The following TRPC4 variants were observed in gnomAD, a reference collection of about 807,000 sequenced individuals.
TRPC4 encodes the protein short transient receptor potential channel 4.
In TRPC4, 49 loss-of-function variants were observed where a neutral mutation model predicts 99.4. That is an observed-to-expected ratio of 0.49 (90% confidence interval 0.39 to 0.63). The LOEUF (loss-of-function observed/expected upper bound fraction) is 0.63. TRPC4 is among the 20% of genes least tolerant of loss of function. The pLI is 0.00. For missense variants in TRPC4, 898 were observed against 1,152.9 expected (o/e 0.78, Z 3.20); for synonymous variants, 454 against 425.9 (o/e 1.07, Z -0.81).
intron 3 of TRPC4, among the ~76,000 whole-genome samples, chr13:37,701,577 G>A (rs1954101874): frequency 6.6e-6 from 1 of 151,976 alleles, no homozygotes. Context: ...GGTCTCTGTG[G>A]CCCTTCATGC....
intron 3 of TRPC4, among the ~76,000 whole-genome samples, chr13:37,700,636 A>T (rs990626130): frequency 6.6e-6 from 1 of 152,194 alleles, no homozygotes; most frequent in Non-Finnish European, 1.5e-5. Flanking sequence ...TAGTTTTAGA[A>T]AAAATTAAAT....
chr13:37,758,687 G>A (rs1292236212), intron 2 of TRPC4, among the ~76,000 whole-genome samples: 2 of 151,628 alleles, frequency 1.3e-5, no homozygotes, highest in Admixed American at 1.3e-4. Context: ...ACATGTGTAT[G>A]CAGTACAAAA....
intron 1 of TRPC4, among the ~76,000 whole-genome samples, chr13:37,855,532 G>T (rs574895308): frequency 4.0e-5 from 6 of 151,514 alleles, no homozygotes; most frequent in Non-Finnish European, 8.9e-5. Context: ...GGACAAATAG[G>T]CTTAATAGAT....
chr13:37,854,730 C>T (rs896452295), intron 1 of TRPC4: 2 of 151,912 alleles, frequency 1.3e-5, no homozygotes, highest in East Asian at 3.9e-4. Flanking sequence ...ATGGTAACTT[C>T]GAATTGAAAA....
intron 1 of TRPC4, among the ~76,000 whole-genome samples, chr13:37,825,109 A>G (rs1429580614): frequency 2.0e-5 from 3 of 151,752 alleles, no homozygotes; most frequent in South Asian, 2.1e-4. Context: ...CTGTGGGATC[A>G]GTGGTGATAT....
intron 4 of TRPC4, among the ~76,000 whole-genome samples, chr13:37,685,586 T>C (rs947003299): frequency 6.6e-6 from 1 of 152,142 alleles, no homozygotes; most frequent in Non-Finnish European, 1.5e-5. Context: ...TCTGTGCTAA[T>C]GAAGACTAAT....
intron 4 of TRPC4, among the ~76,000 whole-genome samples, chr13:37,688,362 A>ATTT (rs1953563349): frequency 6.6e-6 from 1 of 152,226 alleles, no homozygotes; most frequent in South Asian, 2.1e-4. Context: ...CATTGTACTG[A>ATTT]AACACAAGAC....
chr13:37,841,288 A>G (rs1194319279), intron 1 of TRPC4, among the ~76,000 whole-genome samples: 1 of 152,122 alleles, frequency 6.6e-6, no homozygotes, highest in African/African-American at 2.4e-5. Flanking sequence ...ACACCTCACT[A>G]TAAGCAATTA....
chr13:37,689,012 T>C (rs948125769), intron 4 of TRPC4, among the ~76,000 whole-genome samples: 5 of 152,172 alleles, frequency 3.3e-5, no homozygotes, highest in Admixed American at 2.6e-4. Context: ...AATCAGACTG[T>C]GCATTTTTAT....
At chr13:37,754,143 A>C (rs1172386003) in intron 2 of TRPC4, among the ~76,000 whole-genome samples, 1 of 152,026 alleles carries the variant, frequency 6.6e-6, no homozygotes, top group African/African-American at 2.4e-5. Flanking sequence ...CATTTAGAAA[A>C]CCCAGAAAAT....
chr13:37,714,382 C>G (rs1321691017), intron 3 of TRPC4, among the ~76,000 whole-genome samples: 2 of 152,168 alleles, frequency 1.3e-5, no homozygotes, highest in African/African-American at 4.8e-5. Context: ...CCACCTTGGC[C>G]TCCCAAAGCG....
At chr13:37,726,548 T>C (rs185341920) in intron 3 of TRPC4, among the ~76,000 whole-genome samples, 7 of 151,804 alleles carry the variant, frequency 4.6e-5, no homozygotes, top group Admixed American at 4.6e-4. Context: ...TGAAAGAAGA[T>C]AGTAATGCAG....
intron 1 of TRPC4, among the ~76,000 whole-genome samples, chr13:37,788,258 C>G (rs1400884840): frequency 6.6e-6 from 1 of 152,042 alleles, no homozygotes; most frequent in Non-Finnish European, 1.5e-5. Context: ...TTTCTGCAAA[C>G]CTTCTTCCCT....
chr13:37,655,396 A>G, intron 6 of TRPC4, 113 bp from the exon 7 acceptor site: 1 of 377,756 alleles, frequency 2.6e-6, no homozygotes, highest in Non-Finnish European at 4.2e-6. Flanking sequence ...ATTAACTTAA[A>G]CATTAATATC....
chr13:37,854,097 T>A (rs368553343), intron 1 of TRPC4, among the ~76,000 whole-genome samples: 7 of 152,074 alleles, frequency 4.6e-5, no homozygotes, highest in South Asian at 4.1e-4. Flanking sequence ...CCTAGCAGAT[T>A]TAAGCCAAAG....
intron 2 of TRPC4, among the ~76,000 whole-genome samples, chr13:37,760,055 G>T (rs1030250095): frequency 6.6e-6 from 1 of 151,926 alleles, no homozygotes; most frequent in Non-Finnish European, 1.5e-5. Context: ...GTTTCATTTT[G>T]TCATGCTAGA....
At chr13:37,866,702 C>A (rs540156628) in intron 1 of TRPC4, among the ~76,000 whole-genome samples, 1 of 151,394 alleles carries the variant, frequency 6.6e-6, no homozygotes, top group African/African-American at 2.4e-5. Flanking sequence ...TAAAATATTG[C>A]GGGGTCAATG....
chr13:37,664,299 C>A (rs4514541), intron 5 of TRPC4, among the ~76,000 whole-genome samples: 1 of 151,974 alleles, frequency 6.6e-6, no homozygotes, highest in East Asian at 1.9e-4. Context: ...CAAGGCCTGG[C>A]GCGGTGGCTG....
chr13:37,719,583 G>A (rs537759245), intron 3 of TRPC4, among the ~76,000 whole-genome samples: 4 of 152,196 alleles, frequency 2.6e-5, no homozygotes, highest in African/African-American at 9.6e-5. Context: ...ATACCAATGT[G>A]TAAAGCAAAA....
Sources: allele counts gnomAD v4.1 joint callset (sites outside exome capture counted in the v4.1 genomes callset), GRCh38; gene constraint gnomAD v4.1.1; transcripts MANE v1.5; gene names NCBI Gene and HGNC (gene_info 2026-07-23, HGNC 2026-07-21).